Variants in ZFHX4 observed in about 807,000 individuals in gnomAD.
The protein encoded by ZFHX4 is zinc finger homeobox 4.
In ZFHX4, 56 loss-of-function variants were observed where a neutral mutation model predicts 267.6. The ratio of observed to expected loss-of-function variants is 0.21; its 90% CI spans 0.17 to 0.26. The LOEUF (loss-of-function observed/expected upper bound fraction) is 0.26. Among genes scored for constraint, ZFHX4 ranks in the 10% least tolerant of loss-of-function variants. The pLI, the probability that ZFHX4 is intolerant of heterozygous loss-of-function variation, is 1.00. For synonymous variants in ZFHX4, 1,778 were observed against 1,665.6 expected, an observed-to-expected ratio of 1.07 and a Z score of -1.64; for missense variants, 4,332 against 4,420.0, an observed-to-expected ratio of 0.98 and a Z score of 0.56.
intron 4 of ZFHX4, among the ~76,000 whole-genome samples, chr8:76,799,143 G>A (rs187014438): frequency 1.1e-4 from 17 of 152,082 alleles, no homozygotes; most frequent in South Asian, 4.2e-4. Flanking sequence ...TTTTTCCCTC[G>A]CACAGGGTAT....
At position 76,752,396 on chromosome 8, in the gene ZFHX4, C is replaced by T. The variant is rs112809274; in HGVS notation, c.3094-25812C>T. Among the ~76,000 whole-genome samples, 435 of 144,204 alleles carry T rather than the reference C, an allele frequency of 3.0e-3. 1 individual carries two copies. The highest frequency in any genetic ancestry group is 5.7e-3 in the Admixed American group (77 of 13,624). 94.6% of individuals were successfully genotyped at this position (144,204 alleles called of 152,430 possible). A position where few individuals can be genotyped will look rare whatever the true frequency, so the allele number is the denominator to read the frequency against. ...GTGGCTCACACCTGTAATCCCAGCA[C>T]TTTGGGAGACCGAGGCAGGCAGATC... is the stretch of plus-strand genomic sequence containing the variant. On this transcript the variant is annotated intron_variant, in intron 3 of 10. Coordinates refer to ENST00000651372, the MANE Select transcript of ZFHX4 (RefSeq NM_024721.5).
intron 3 of ZFHX4, among the ~76,000 whole-genome samples, chr8:76,753,629 C>CTTTTTT (rs962115381): frequency 1.7e-5 from 2 of 117,412 alleles, no homozygotes; most frequent in Admixed American, 9.0e-5. Context: ...CGTCTTAGGC[C>CTTTTTT]TTTTTTTTTT....
chr8:76,816,688 T>G (rs1234525657), intron 4 of ZFHX4, among the ~76,000 whole-genome samples: 2 of 148,010 alleles, frequency 1.4e-5, no homozygotes, highest in African/African-American at 5.0e-5. Flanking sequence ...CTCCGCCTCC[T>G]GGGTTCAAGC....
chr8:76,763,244 C>T (rs1020561428), intron 3 of ZFHX4, among the ~76,000 whole-genome samples: 7 of 83,290 alleles, frequency 8.4e-5, no homozygotes, highest in Non-Finnish European at 1.3e-4. Flanking sequence ...CTGATAGCTC[C>T]AGGTTTCCAA....
chr8:76,814,713 G>A (rs766669077), intron 4 of ZFHX4, among the ~76,000 whole-genome samples: 1 of 152,106 alleles, frequency 6.6e-6, no homozygotes, highest in African/African-American at 2.4e-5. Context: ...ATGTATTCAG[G>A]TGAGGGACTG....
chr8:76,826,079 A>G (rs1811777983), intron 4 of ZFHX4, among the ~76,000 whole-genome samples: 1 of 152,224 alleles, frequency 6.6e-6, no homozygotes, highest in South Asian at 2.1e-4. Context: ...GCATTGCACC[A>G]GTATCTGCTC....
chr8:76,706,645 C>A lies in ZFHX4; in HGVS notation c.2557C>A (p.Pro853Thr). 1 of 1,598,294 alleles carries A rather than the reference C, an allele frequency of 6.3e-7. No individual in the cohort carries two copies. The highest frequency in any genetic ancestry group is 1.7e-5 in the Admixed American group (1 of 57,252). Residue 853 changes from proline (P) to threonine (T), a missense_variant, in exon 2 of 11, where the codon CCA becomes ACA. Pro to Thr is a conservative substitution (Grantham distance 38, BLOSUM62 -1). This residue lies in a region of ZFHX4 where 1,195 missense variants were observed against 1,173.6 expected (regional missense o/e 1.02). Transcript: ENST00000651372. Reference protein sequence around the residue: ...QLMINPFQLDPATAAALAPGL... With the variant: ...QLMINPFQLDTATAAALAPGL... ...GATGATCAATCCATTCCAGCTGGAT[C>A]CAGCGACAGCAGCGGCTTTGGCACC...
At chr8:76,764,429 C>T (rs1443762404) in intron 3 of ZFHX4, among the ~76,000 whole-genome samples, 3 of 152,094 alleles carry the variant, frequency 2.0e-5, no homozygotes, top group Admixed American at 6.6e-5. Context: ...ATAGAGAGAT[C>T]ATTTTCACCT....
chr8:76,827,898 T>C (rs1185218605), intron 4 of ZFHX4, among the ~76,000 whole-genome samples: 1 of 152,212 alleles, frequency 6.6e-6, no homozygotes, highest in Non-Finnish European at 1.5e-5. Flanking sequence ...TAATTGACAC[T>C]GGAGCATCCA....
At chr8:76,790,282 G>A (rs1349055263) in intron 4 of ZFHX4, among the ~76,000 whole-genome samples, 1 of 152,078 alleles carries the variant, frequency 6.6e-6, no homozygotes, top group African/African-American at 2.4e-5. Context: ...CAGCCAAATT[G>A]AGGGGGAAAT....
At chr8:76,715,420 T>G (rs982949353) in intron 3 of ZFHX4, among the ~76,000 whole-genome samples, 1 of 142,788 alleles carries the variant, frequency 7.0e-6, no homozygotes, top group African/African-American at 2.6e-5. Context: ...AGGTGGAGGT[T>G]GCAGTGAGCC....
chr8:76,751,720 A>T (rs1434513484), intron 3 of ZFHX4, among the ~76,000 whole-genome samples: 1 of 152,192 alleles, frequency 6.6e-6, no homozygotes, highest in African/African-American at 2.4e-5. Flanking sequence ...TATTTGTAAT[A>T]TGATCTCACT....
chr8:76,804,762 G>A (rs989756278), intron 4 of ZFHX4, among the ~76,000 whole-genome samples: 3 of 151,920 alleles, frequency 2.0e-5, no homozygotes, highest in Non-Finnish European at 4.4e-5. Context: ...TCCACTGGGA[G>A]GTTTAAAGTC....
chr8:76,741,157 G>A (rs1161128492), intron 3 of ZFHX4, among the ~76,000 whole-genome samples: 1 of 152,060 alleles, frequency 6.6e-6, no homozygotes, highest in East Asian at 1.9e-4. Flanking sequence ...AGATGATGAA[G>A]TGCAGCAAAT....
chr8:76,749,190 CACCATCTGTATGTGAT>C (rs1252159411), intron 3 of ZFHX4, among the ~76,000 whole-genome samples: 1 of 152,136 alleles, frequency 6.6e-6, no homozygotes. Flanking sequence ...TGAGTCCTTC[CACCATCTGTATGTGAT>C]ATGCCATTTT....
At chr8:76,778,075 C>A (rs1810446280) in intron 3 of ZFHX4, 133 bp from the exon 4 acceptor site, 2 of 645,512 alleles carry the variant, frequency 3.1e-6, no homozygotes, top group East Asian at 2.7e-5. Flanking sequence ...GTAGGCTGGG[C>A]TGCGTCTTAT....
intron 2 of ZFHX4, 142 bp downstream of exon 2, chr8:76,706,820 A>C (rs779764990): frequency 1.0e-4 from 101 of 965,586 alleles, no homozygotes; most frequent in Non-Finnish European, 1.4e-4. Flanking sequence ...CTGGATAATC[A>C]AACCATTTGC....
At chr8:76,714,052 T>G (rs1399983807) in intron 3 of ZFHX4, among the ~76,000 whole-genome samples, 1 of 152,180 alleles carries the variant, frequency 6.6e-6, no homozygotes, top group Non-Finnish European at 1.5e-5. Flanking sequence ...CTTGTGTTCA[T>G]TCTATTTCAT....
At chr8:76,729,506 G>A (rs192079121) in intron 3 of ZFHX4, among the ~76,000 whole-genome samples, 1 of 152,200 alleles carries the variant, frequency 6.6e-6, no homozygotes, top group East Asian at 1.9e-4. Flanking sequence ...TGGTTTTAGA[G>A]AGCAAAGATG....
Sources: allele counts gnomAD v4.1 joint callset (sites outside exome capture counted in the v4.1 genomes callset), GRCh38; gene constraint gnomAD v4.1.1; regional missense constraint gnomAD v4.1.1; transcripts MANE v1.5; gene names NCBI Gene and HGNC (gene_info 2026-07-23, HGNC 2026-07-21).